The following PRR12 variants were observed in gnomAD, a reference collection of about 807,000 sequenced individuals.
PRR12 encodes the protein proline rich 12, also known as proline-rich protein 12.
A neutral mutation model predicts 138.0 loss-of-function variants in PRR12; 12 were observed. That is an observed-to-expected ratio of 0.09 (90% confidence interval 0.06 to 0.14). PRR12 has a LOEUF of 0.14. Ranked by LOEUF, PRR12 falls within the 10% of genes least tolerant of loss-of-function variation. The pLI, the probability that PRR12 is intolerant of heterozygous loss-of-function variation, is 1.00. For missense variants in PRR12, 2,692 were observed against 2,861.3 expected (o/e 0.94, Z 1.35); for synonymous variants, 1,567 against 1,291.7 (o/e 1.21, Z -4.57).
At chr19:49,612,302 A>G (rs996489247) in intron 6 of PRR12, among the ~76,000 whole-genome samples, 25 of 151,292 alleles carry the variant, frequency 1.7e-4, no homozygotes, top group Non-Finnish European at 3.1e-4. Context: ...GTATGGAACC[A>G]TTGAGTAGGA....
chr19:49,599,147 GC>G lies in PRR12; in HGVS notation c.3679-124del. 1 of 911,342 alleles carries G rather than the reference GC, an allele frequency of 1.1e-6. No homozygotes were observed. The highest frequency in any genetic ancestry group is 1.6e-6 in the Non-Finnish European group (1 of 626,922). The allele number at this position is 911,342 out of a possible 1,614,324, so 56.5% of individuals were successfully genotyped here. ...TCCTAGAATCTAAGACAAGGGGTCT[GC>G]AGGTTTGAATTCTATAAATTCACAG... On this transcript the variant is annotated intron_variant, in intron 4 of 13. Coordinates refer to ENST00000418929, the MANE Select transcript of PRR12 (RefSeq NM_020719.3). This position sits in a 1 kb window ranked among gnomAD's most constrained non-coding sequence, Gnocchi z 5.0.
At chr19:49,623,254 T>TA (rs567417616) in intron 11 of PRR12, among the ~76,000 whole-genome samples, 25 of 152,232 alleles carry the variant, frequency 1.6e-4, no homozygotes, top group Admixed American at 5.2e-4. Flanking sequence ...GGTGAGATGT[T>TA]ACACTAGGGT....
intron 6 of PRR12, among the ~76,000 whole-genome samples, chr19:49,609,075 A>C (rs904231156): frequency 7.9e-5 from 12 of 152,288 alleles, no homozygotes; most frequent in African/African-American, 2.2e-4. Context: ...GCACTTTGGG[A>C]GGCTGAGGTG....
At position 49,594,373 on chromosome 19, in the gene PRR12, G is replaced by C. The variant is rs2080749817; in HGVS notation, c.200-81G>C. ...TCCCCTCCTTTTCCTGATCCAACTT[G>C]CTTTTGGCCTCTTCCCTTTCTCTCT... On this transcript the variant is annotated intron_variant, in intron 2 of 13. Coordinates refer to ENST00000418929, the MANE Select transcript of PRR12 (RefSeq NM_020719.3). This position sits in a 1 kb window ranked among gnomAD's most constrained non-coding sequence, Gnocchi z 5.6. The C allele has an allele frequency of 7.4e-7, 1 of 1,359,428 alleles. No individual in the cohort carries two copies. The highest frequency in any genetic ancestry group is 2.4e-5 in the East Asian group (1 of 41,460). The allele number at this position is 1,359,428 out of a possible 1,614,324, so 84.2% of individuals were successfully genotyped here.
chr19:49,611,621 CTCTA>C (rs1231601941), intron 6 of PRR12, among the ~76,000 whole-genome samples: 1 of 144,988 alleles, frequency 6.9e-6, no homozygotes, highest in Non-Finnish European at 1.5e-5. Flanking sequence ...CTAGGCGAAA[CTCTA>C]TCTAAAAAAA....
Position 49,596,843 on chromosome 19 carries a change from TCCACCGCC to T in PRR12, c.2509_2516del (p.Pro837ThrfsTer97). The T allele has an allele frequency of 1.9e-6, 3 of 1,546,714 alleles. No individual in the cohort carries two copies. The highest frequency in any genetic ancestry group is 2.6e-6 in the Non-Finnish European group (3 of 1,148,708). ...CCCGCGATGGGGCACCCCAGCCACC[TCCACCGCC>T]ACCCCCGCCTCCACCACCCATGCCC... On this transcript the variant is annotated frameshift_variant, in exon 4 of 14. Transcript: ENST00000418929. LOFTEE classifies it high-confidence loss of function. The surrounding 1 kb of genome is among the most constrained non-coding windows in gnomAD (Gnocchi z 5.6).
chr19:49,624,770 T>C, intron 11 of PRR12, 74 bp from the exon 12 acceptor site: 2 of 1,562,524 alleles, frequency 1.3e-6, no homozygotes, highest in African/African-American at 1.4e-5. Context: ...GAGGCACAGA[T>C]CTGAGACCTG....
intron 6 of PRR12, among the ~76,000 whole-genome samples, chr19:49,603,335 A>G (rs957805352): frequency 6.6e-6 from 1 of 152,190 alleles, no homozygotes; most frequent in African/African-American, 2.4e-5. Context: ...CATGTCAATC[A>G]TTGTCATTGA....
intron 6 of PRR12, among the ~76,000 whole-genome samples, chr19:49,605,603 T>G (rs1466605970): frequency 6.6e-6 from 1 of 152,268 alleles, no homozygotes; most frequent in Non-Finnish European, 1.5e-5. Flanking sequence ...ATGCACCGTG[T>G]ACGTTCTAGT....
intron 6 of PRR12, among the ~76,000 whole-genome samples, chr19:49,605,870 C>G (rs933172328): frequency 2.6e-5 from 4 of 152,258 alleles, no homozygotes; most frequent in African/African-American, 9.6e-5. Context: ...CAAAGCCCCA[C>G]GCCTTTGCCA....
In PRR12 at chr19:49,615,954, G is replaced by T. The variant is rs1217277561; in HGVS notation, c.5232G>T (p.Lys1744Asn). The change falls in exon 9 of 14, where the codon AAG (lysine) becomes AAT (asparagine). Residue 1744 changes from lysine (K) to asparagine (N), a missense_variant. Coordinates refer to ENST00000418929, the MANE Select transcript of PRR12 (RefSeq NM_020719.3). ...LLRPVEKEKE[K>N]EKVTRGERPL... is the part of the protein sequence containing the mutation. ...GGCCTGTTGAGAAGGAAAAGGAGAA[G>T]GAGAAGGTGACACGTGGAGAGCGGC... 7 of 1,553,278 alleles carry T rather than the reference G, an allele frequency of 4.5e-6. No individual in the cohort carries two copies. Among genetic ancestry groups the T allele is most frequent in the Non-Finnish European group, 6.1e-6 (7 of 1,147,972 alleles).
At chr19:49,598,904 CCTGCCTCAGTCTCCCAAG>C (rs1568424304) in intron 4 of PRR12, among the ~76,000 whole-genome samples, 6 of 152,274 alleles carry the variant, frequency 3.9e-5, no homozygotes, top group Admixed American at 3.9e-4. Flanking sequence ...AAGTGATTTG[CCTGCCTCAGTCTCCCAAG>C]GTGCTGGGAT....
chr19:49,599,494 G>T lies in PRR12; in HGVS notation c.3901G>T (p.Ala1301Ser). The change falls in exon 5 of 14, where the codon GCG (alanine) becomes TCG (serine). Residue 1301 changes from alanine (A) to serine (S), a missense_variant. Ala to Ser is a moderately conservative substitution (Grantham distance 99, BLOSUM62 1). Coordinates refer to ENST00000418929, the MANE Select transcript of PRR12 (RefSeq NM_020719.3). The surrounding 1 kb of genome is among the most constrained non-coding windows in gnomAD (Gnocchi z 5.0). ...SGKRHPPLYQ[A>S]GLTPPLSPPK... ...CAAGCGCCACCCACCACTCTACCAG[G>T]CGGGCCTGACGCCTCCGCTCAGCCC... 1.9e-6 allele frequency: 3 copies of T among 1,600,856 alleles called. No homozygotes were observed. The highest frequency in any genetic ancestry group is 2.6e-6 in the Non-Finnish European group (3 of 1,174,368).
chr19:49,599,576 C>T lies in PRR12; in HGVS notation c.3983C>T (p.Ala1328Val). Residue 1328 changes from alanine (A) to valine (V), a missense_variant, in exon 5 of 14, where the codon GCC (alanine) becomes GTC (valine). Physicochemically the swap from Ala to Val is moderately conservative, Grantham distance 64. Coordinates refer to ENST00000418929, the MANE Select transcript of PRR12 (RefSeq NM_020719.3). The surrounding 1 kb of genome is among the most constrained non-coding windows in gnomAD (Gnocchi z 5.0). ...PARGLQPQPP[A>V]TPAVPHPPPS... ...CGAGGCCTGCAGCCCCAGCCCCCTG[C>T]CACCCCTGCTGTGCCACATCCCCCA... 1 of 1,594,750 alleles carries T rather than the reference C, an allele frequency of 6.3e-7. No homozygotes were observed. Among genetic ancestry groups the T allele is most frequent in the Non-Finnish European group, 8.5e-7 (1 of 1,170,598 alleles).
At chr19:49,618,334 TAC>T (rs1182522875) in intron 9 of PRR12, among the ~76,000 whole-genome samples, 2 of 152,004 alleles carry the variant, frequency 1.3e-5, no homozygotes, top group South Asian at 4.2e-4. Flanking sequence ...GACCTCTGGC[TAC>T]ACAGTCACCT....
At chr19:49,605,191 A>G (rs2080832240) in intron 6 of PRR12, among the ~76,000 whole-genome samples, 1 of 151,808 alleles carries the variant, frequency 6.6e-6, no homozygotes, top group Non-Finnish European at 1.5e-5. Context: ...GCACAGAGAG[A>G]TAAAGTAGCC....
chr19:49,607,038 T>C (rs1268800840), intron 6 of PRR12, among the ~76,000 whole-genome samples: 10 of 151,906 alleles, frequency 6.6e-5, no homozygotes, highest in Non-Finnish European at 1.5e-4. Flanking sequence ...GCCAAAGTGC[T>C]GTAATCTCAG....
chr19:49,619,535 CTTTTTTTTTT>C (rs760207958), intron 9 of PRR12, among the ~76,000 whole-genome samples: 1 of 67,140 alleles, frequency 1.5e-5, no homozygotes, highest in African/African-American at 7.9e-5. Flanking sequence ...ATGCCCAGCC[CTTTTTTTTTT>C]TTTTTTTTTT....
intron 10 of PRR12, among the ~76,000 whole-genome samples, chr19:49,620,990 C>G: frequency 1.0e-5 from 1 of 100,200 alleles, no homozygotes; most frequent in Non-Finnish European, 2.0e-5. Flanking sequence ...GGACTGGGGC[C>G]TGGACTCCTG....
Sources: allele counts gnomAD v4.1 joint callset (sites outside exome capture counted in the v4.1 genomes callset), GRCh38; gene constraint gnomAD v4.1.1; non-coding constraint Gnocchi (gnomAD v3.1); transcripts MANE v1.5; gene names NCBI Gene and HGNC (gene_info 2026-07-23, HGNC 2026-07-21).